The following UHRF2 variants were observed in gnomAD, a reference collection of about 807,000 sequenced individuals.
UHRF2 encodes E3 ubiquitin-protein ligase UHRF2.
A neutral mutation model predicts 96.8 loss-of-function variants in UHRF2; 23 were observed. That is an observed-to-expected ratio of 0.24 (90% CI 0.17 to 0.34). UHRF2 has a LOEUF of 0.34. Ranked by LOEUF, UHRF2 falls within the 10% of genes least tolerant of loss-of-function variation. The probability of loss-of-function intolerance (pLI) is 1.00; values close to 1 mark genes in which losing one functional copy is unlikely to be tolerated. For missense variants in UHRF2, 685 were observed against 981.5 expected (o/e 0.70, Z 4.04); for synonymous variants, 385 against 332.6 (o/e 1.16, Z -1.72).
At chr9:6,440,541 T>C (rs1821100924) in intron 3 of UHRF2, among the ~76,000 whole-genome samples, 1 of 152,188 alleles carries the variant, frequency 6.6e-6, no homozygotes, top group Non-Finnish European at 1.5e-5. Context: ...TATATAAATA[T>C]TTAATTGCAA....
intron 1 of UHRF2, among the ~76,000 whole-genome samples, chr9:6,414,400 A>C (rs12003279): frequency 0.032 from 4,893 of 152,264 alleles, 262 homozygotes; most frequent in African/African-American, 0.11. Context: ...CTCGCCTTCT[A>C]ATACTCATGT....
At chr9:6,436,289 C>T (rs911765867) in intron 3 of UHRF2, among the ~76,000 whole-genome samples, 16 of 152,038 alleles carry the variant, frequency 1.1e-4, no homozygotes, top group Non-Finnish European at 2.1e-4. Context: ...TGTGGCTAAG[C>T]GGCCAACACT....
chr9:6,442,090 G>A (rs572016832), intron 3 of UHRF2, among the ~76,000 whole-genome samples: 11 of 152,130 alleles, frequency 7.2e-5, no homozygotes, highest in African/African-American at 2.7e-4. Flanking sequence ...TTAGCCTGTC[G>A]AGTAGCTGAG....
rs776498874 is a variant in UHRF2 at position 6,500,706 on chromosome 9, A to G, written c.2160A>G (p.Gly720=). Residue 720 remains glycine, a synonymous_variant, in exon 14 of 16, where the codon GGA becomes GGG. Transcript: ENST00000276893. ...WDEVLSHLVE[G]PNFLKKLEQS... ...AAGTGCTTTCACATCTTGTGGAAGG[A>G]CCAGTATGTGAAGATTTTTTTAAAT... 1.5e-5 allele frequency: 24 copies of G among 1,605,230 alleles called. No individual in the cohort carries two copies. The highest frequency in any genetic ancestry group is 2.0e-5 in the Non-Finnish European group (23 of 1,177,506).
intron 8 of UHRF2, among the ~76,000 whole-genome samples, chr9:6,483,477 T>C (rs1208516696): frequency 1.3e-5 from 2 of 152,172 alleles, no homozygotes; most frequent in African/African-American, 2.4e-5. Context: ...TAACACTGTA[T>C]TGTTTGCAGA....
At chr9:6,459,287 G>T (rs963370218) in intron 3 of UHRF2, among the ~76,000 whole-genome samples, 2 of 152,252 alleles carry the variant, frequency 1.3e-5, no homozygotes, top group East Asian at 1.9e-4. Flanking sequence ...AATATGCCAG[G>T]TTCATGTTCT....
intron 7 of UHRF2, 37 bp downstream of exon 7, chr9:6,481,803 G>A: frequency 3.8e-6 from 6 of 1,594,970 alleles, no homozygotes; most frequent in Non-Finnish European, 5.1e-6. Flanking sequence ...CTAATAGCAA[G>A]TTATAATATA....
Position 6,421,018 on chromosome 9 carries a change from T to G in UHRF2, c.260T>G (p.Ile87Ser). ...CATCTTCCTGGCACATCTACACAGA[T>G]TGAGGCTAAACCCTGTTCTAATAGT... is the stretch of plus-strand genomic sequence containing the variant. The part of the protein sequence containing the change: ...PDHLPGTSTQ[I>S]EAKPCSNSPP... Residue 87 changes from isoleucine to serine, a missense_variant, in exon 2 of 16, where the codon ATT (isoleucine) becomes AGT (serine). Ile to Ser is a moderately radical substitution (Grantham distance 142, BLOSUM62 -2). This residue lies in a region of UHRF2 where 391 missense variants were observed against 437.0 expected (regional missense o/e 0.89). Coordinates refer to ENST00000276893, the MANE Select transcript of UHRF2 (RefSeq NM_152896.3). 1.2e-6 allele frequency: 2 copies of G among 1,614,170 alleles called. No homozygotes were observed. Among genetic ancestry groups the G allele is most frequent in the Non-Finnish European group, 1.7e-6 (2 of 1,180,026 alleles).
intron 3 of UHRF2, among the ~76,000 whole-genome samples, chr9:6,453,123 C>G (rs533295335): frequency 6.6e-6 from 1 of 151,938 alleles, no homozygotes; most frequent in Non-Finnish European, 1.5e-5. Flanking sequence ...ATATATAATC[C>G]ACTATATAAT....
At chr9:6,461,540 CTT>C (rs1822544268) in intron 4 of UHRF2, among the ~76,000 whole-genome samples, 1 of 151,500 alleles carries the variant, frequency 6.6e-6, no homozygotes, top group South Asian at 2.1e-4. Flanking sequence ...GCCCACCTAA[CTT>C]TTATATTTTT....
At chr9:6,498,733 A>C (rs965685692) in intron 12 of UHRF2, 1 of 152,432 alleles carries the variant, frequency 6.6e-6, no homozygotes, top group Non-Finnish European at 1.5e-5. Flanking sequence ...TGGCTGCATT[A>C]ATCCCTTCAC....
At chr9:6,454,963 G>A (rs1822088551) in intron 3 of UHRF2, among the ~76,000 whole-genome samples, 1 of 152,164 alleles carries the variant, frequency 6.6e-6, no homozygotes, top group African/African-American at 2.4e-5. Flanking sequence ...CAAGAATTTG[G>A]ATTTCCAGAT....
intron 3 of UHRF2, among the ~76,000 whole-genome samples, chr9:6,453,903 T>G (rs1341602597): frequency 1.3e-5 from 2 of 151,898 alleles, no homozygotes; most frequent in African/African-American, 2.4e-5. Context: ...AGACTCCGTC[T>G]CAAAAAAAGA....
chr9:6,468,256 A>C (rs1450943660), intron 4 of UHRF2: 1 of 354,534 alleles, frequency 2.8e-6, no homozygotes, highest in African/African-American at 2.1e-5. Context: ...AGCCTTTAAC[A>C]AAAATGGTAC....
At chr9:6,496,993 C>G in intron 10 of UHRF2, 1 of 499,100 alleles carries the variant, frequency 2.0e-6, no homozygotes. Context: ...AACCAATCCC[C>G]TGGCTTGGGG....
At chr9:6,484,399 C>T (rs1007814435) in intron 8 of UHRF2, among the ~76,000 whole-genome samples, 3 of 150,408 alleles carry the variant, frequency 2.0e-5, no homozygotes, top group African/African-American at 7.3e-5. Context: ...GCTTCTCCTC[C>T]TCCTCCTCCT....
rs1345918912 is a variant in UHRF2, at chr9:6,479,525, G to A, written c.1160+1717G>A. ...TTTTCTATGCTAGGGAACTATGCTTGTTCCCTAGATGATCTCGTCCAATTA... is the reference window on the plus strand; with the variant it reads ...TTTTCTATGCTAGGGAACTATGCTTATTCCCTAGATGATCTCGTCCAATTA... On this transcript the variant is annotated intron_variant, in intron 6 of 15. Coordinates refer to ENST00000276893, the MANE Select transcript of UHRF2 (RefSeq NM_152896.3). Among the ~76,000 whole-genome samples, 3 of 152,064 alleles carry A rather than the reference G, an allele frequency of 2.0e-5. No homozygotes were observed. In the East Asian group the frequency reaches 5.8e-4, roughly 29 times the overall value.
chr9:6,425,636 G>T (rs1820212640), intron 2 of UHRF2, among the ~76,000 whole-genome samples: 1 of 152,096 alleles, frequency 6.6e-6, no homozygotes, highest in Non-Finnish European at 1.5e-5. Context: ...TGTGGCACAT[G>T]CCTGTAATCC....
rs566435755 is a variant in UHRF2, at chr9:6,434,508, G to A, written c.644+335G>A. 1.2e-4 allele frequency among the ~76,000 whole-genome samples: 19 copies of A among 152,076 alleles called. 1 individual carries two copies. Among genetic ancestry groups the A allele is most frequent in the African/African-American group, 4.3e-4 (18 of 41,476 alleles). On this transcript the variant is annotated intron_variant, in intron 3 of 15. Coordinates refer to ENST00000276893, the MANE Select transcript of UHRF2 (RefSeq NM_152896.3). ...TTGGAGTGCTGAATGGCACAATCTC[G>A]CCTCACTGCAACCTCAGCCTCCTGG...
Sources: allele counts gnomAD v4.1 joint callset (sites outside exome capture counted in the v4.1 genomes callset), GRCh38; gene constraint gnomAD v4.1.1; regional missense constraint gnomAD v4.1.1; transcripts MANE v1.5; gene names NCBI Gene and HGNC (gene_info 2026-07-23, HGNC 2026-07-21).